The following PPIP5K2 variants were observed in gnomAD, a reference collection of about 807,000 sequenced individuals.
The protein encoded by PPIP5K2 is inositol hexakisphosphate and diphosphoinositol-pentakisphosphate kinase 2.
PPIP5K2 carries 105 observed loss-of-function variants against 154.6 expected under a neutral mutation model. The observed-to-expected ratio is 0.68, with a 90% CI of 0.58 to 0.80. The LOEUF is 0.80. Among genes scored for constraint, PPIP5K2 ranks in the 30% least tolerant of loss-of-function variants. The pLI is 0.00. For synonymous variants in PPIP5K2, 480 were observed against 490.3 expected, an observed-to-expected ratio of 0.98 and a Z score of 0.28; for missense variants, 992 against 1,504.6, an observed-to-expected ratio of 0.66 and a Z score of 5.64.
chr5:103,125,390 G>A (rs1162026332), intron 1 of PPIP5K2, among the ~76,000 whole-genome samples: 1 of 151,706 alleles, frequency 6.6e-6, no homozygotes, highest in Non-Finnish European at 1.5e-5. Context: ...GCTAATTGGA[G>A]TCAGTCAGGT....
chr5:103,146,056 T>G (rs1006360185), intron 5 of PPIP5K2, among the ~76,000 whole-genome samples: 2 of 152,000 alleles, frequency 1.3e-5, no homozygotes, highest in African/African-American at 4.8e-5. Flanking sequence ...AGATATAAAG[T>G]AATCATCATC....
chr5:103,139,717 A>G (rs894733715), intron 5 of PPIP5K2, among the ~76,000 whole-genome samples: 2 of 152,260 alleles, frequency 1.3e-5, no homozygotes, highest in Non-Finnish European at 2.9e-5. Flanking sequence ...AGTGATGGAG[A>G]TATGTGACCT....
intron 14 of PPIP5K2, among the ~76,000 whole-genome samples, chr5:103,156,582 A>C (rs202002500): frequency 3.1e-3 from 473 of 152,288 alleles, no homozygotes; most frequent in Non-Finnish European, 5.5e-3. Context: ...AGTAATAATA[A>C]TCTGTCTTGC....
chr5:103,146,763 C>T (rs577771245), intron 6 of PPIP5K2, 82 bp downstream of exon 6: 1 of 1,182,468 alleles, frequency 8.5e-7, no homozygotes, highest in East Asian at 2.5e-5. Flanking sequence ...CATTTAATTA[C>T]CGTTAAATAT....
intron 2 of PPIP5K2, among the ~76,000 whole-genome samples, chr5:103,132,268 G>A (rs1233336870): frequency 1.3e-5 from 2 of 152,116 alleles, no homozygotes; most frequent in Non-Finnish European, 2.9e-5. Flanking sequence ...TAGGCTGGGC[G>A]TGGTAGCTCA....
At chr5:103,126,351 C>T (rs1340612974) in intron 1 of PPIP5K2, among the ~76,000 whole-genome samples, 1 of 151,980 alleles carries the variant, frequency 6.6e-6, no homozygotes, top group African/African-American at 2.4e-5. Flanking sequence ...AGGGGACAGA[C>T]CAGTCATTAA....
intron 14 of PPIP5K2, 45 bp downstream of exon 14, chr5:103,156,039 C>G: frequency 2.3e-6 from 3 of 1,287,382 alleles, no homozygotes; most frequent in Non-Finnish European, 3.4e-6. Flanking sequence ...TATGTAGTAA[C>G]TTGTTATTCA....
chr5:103,201,656 T>A lies in PPIP5K2; in HGVS notation c.*22T>A, dbSNP rs116234738. 1.1e-5 allele frequency: 16 copies of A among 1,461,694 alleles called. No individual in the cohort carries two copies. The East Asian group carries it at 3.7e-4, about 33-fold the overall frequency. The allele number at this position is 1,461,694 out of a possible 1,614,324, so 90.5% of individuals were successfully genotyped here. A position where few individuals can be genotyped will look rare whatever the true frequency, so the allele number is the denominator to read the frequency against. On this transcript the variant is annotated 3_prime_UTR_variant, in exon 31 of 31. Coordinates refer to ENST00000358359, the MANE Select transcript of PPIP5K2 (RefSeq NM_001276277.3). ...ATGAAATCTTAGCAGAAGCTGGAACTTTTTATACTTATAAAAATAGTATGT... is the reference window on the plus strand; with the variant it reads ...ATGAAATCTTAGCAGAAGCTGGAACATTTTATACTTATAAAAATAGTATGT...
At chr5:103,187,965 G>C (rs1213637499) in intron 28 of PPIP5K2, among the ~76,000 whole-genome samples, 1 of 152,108 alleles carries the variant, frequency 6.6e-6, no homozygotes, top group Non-Finnish European at 1.5e-5. Flanking sequence ...TTGTTCTTGT[G>C]TAGCAATGTG....
intron 5 of PPIP5K2, among the ~76,000 whole-genome samples, chr5:103,144,706 C>T (rs1793439937): frequency 6.6e-6 from 1 of 152,092 alleles, no homozygotes; most frequent in Non-Finnish European, 1.5e-5. Flanking sequence ...GTTGGGAAAA[C>T]TTGATATCTA....
intron 19 of PPIP5K2, among the ~76,000 whole-genome samples, chr5:103,172,497 A>T (rs909127524): frequency 2.7e-5 from 4 of 149,208 alleles, no homozygotes; most frequent in Admixed American, 6.7e-5. Context: ...TTCCCACTCT[A>T]CCCCCACTTT....
At position 103,158,635 on chromosome 5, in the gene PPIP5K2, T is replaced by C; in HGVS notation, c.1737+62T>C. ...TAATCTAATATTGTATCTTAAAACA[T>C]TTTTGGCTGGGCGCAGTGGCTTACA... is the stretch of plus-strand genomic sequence containing the variant. On this transcript the variant is annotated intron_variant, in intron 16 of 30. Transcript: ENST00000358359. The C allele has an allele frequency of 4.2e-6, 6 of 1,415,490 alleles. No individual in the cohort carries two copies. The South Asian group carries it at 9.1e-5, about 22-fold the overall frequency. The allele number at this position is 1,415,490 out of a possible 1,614,324, so 87.7% of individuals were successfully genotyped here. A position where few individuals can be genotyped will look rare whatever the true frequency, so the allele number is the denominator to read the frequency against.
chr5:103,189,485 A>G (rs1418524359), intron 28 of PPIP5K2, among the ~76,000 whole-genome samples: 1 of 152,188 alleles, frequency 6.6e-6, no homozygotes, highest in Non-Finnish European at 1.5e-5. Context: ...TAATGCAAAG[A>G]AAGGGTTTGC....
Position 103,194,738 on chromosome 5 carries a change from C to CT in PPIP5K2, c.3494-157dup, listed in dbSNP as rs376866253. On this transcript the variant is annotated intron_variant, in intron 29 of 30. Transcript: ENST00000358359. ...TTGTCTAAGGCCATAACAGAACTAT[C>CT]TTTTTATTAAAAAAAGGTGATTTTG... The CT allele has an allele frequency of 2.1e-4, 140 of 674,496 alleles. No homozygotes were observed. In the East Asian group the frequency reaches 3.4e-3, roughly 16 times the overall value. 41.8% of individuals were successfully genotyped at this position (674,496 alleles called of 1,614,324 possible).
At chr5:103,123,120 C>A (rs568147445) in intron 1 of PPIP5K2, among the ~76,000 whole-genome samples, 26 of 152,276 alleles carry the variant, frequency 1.7e-4, no homozygotes, top group African/African-American at 6.3e-4. Flanking sequence ...ATTAAATTTG[C>A]TAGAAAACTG....
rs1803555909 is a variant in PPIP5K2, at chr5:103,207,076, G to A, written c.*5442G>A. 6.6e-6 allele frequency: 1 copy of A among 152,264 alleles called. No individual in the cohort carries two copies. Among genetic ancestry groups the A allele is most frequent in the South Asian group, 2.1e-4 (1 of 4,822 alleles). The allele number at this position is 152,264 out of a possible 1,614,324, so 9.4% of individuals were successfully genotyped here. ...GTCTAGGAATGCAGCTAGGTTTATA[G>A]ACATGGCCAGCCCAGGGGGTCCTGA... is the stretch of plus-strand genomic sequence containing the variant. On this transcript the variant is annotated 3_prime_UTR_variant, in exon 31 of 31. Coordinates refer to ENST00000358359, the MANE Select transcript of PPIP5K2 (RefSeq NM_001276277.3).
intron 8 of PPIP5K2, among the ~76,000 whole-genome samples, chr5:103,150,534 G>T (rs1245753137): frequency 6.6e-6 from 1 of 152,078 alleles, no homozygotes; most frequent in Non-Finnish European, 1.5e-5. Flanking sequence ...GCACTTTGGG[G>T]GTGCTGAGGT....
chr5:103,144,960 A>G (rs991593793), intron 5 of PPIP5K2, among the ~76,000 whole-genome samples: 8 of 152,112 alleles, frequency 5.3e-5, no homozygotes, highest in Admixed American at 2.0e-4. Context: ...GAAACAATAC[A>G]GTGAAGAGAC....
chr5:103,156,997 T>C (rs1554213699), intron 14 of PPIP5K2, among the ~76,000 whole-genome samples: 1 of 152,168 alleles, frequency 6.6e-6, no homozygotes, highest in African/African-American at 2.4e-5. Context: ...TTCTATATCT[T>C]AGTATTTATC....
Sources: allele counts gnomAD v4.1 joint callset (sites outside exome capture counted in the v4.1 genomes callset), GRCh38; gene constraint gnomAD v4.1.1; transcripts MANE v1.5; gene names NCBI Gene and HGNC (gene_info 2026-07-23, HGNC 2026-07-21).